MLIP: variants seen among roughly 807,000 people sequenced by gnomAD.
The protein encoded by MLIP is muscular LMNA interacting protein, also known as muscular LMNA-interacting protein.
In MLIP, 79 loss-of-function variants were observed where a neutral mutation model predicts 84.8. The ratio of observed to expected loss-of-function variants is 0.93; its 90% CI spans 0.78 to 1.12. The LOEUF (loss-of-function observed/expected upper bound fraction) is 1.12, where lower values mean the gene tolerates loss of function less well. Ranked by LOEUF, MLIP falls within the 50% of genes most tolerant of loss-of-function variation. The pLI is 0.00. For synonymous variants in MLIP, 504 were observed against 463.0 expected, an observed-to-expected ratio of 1.09 and a Z score of -1.14; for missense variants, 1,257 against 1,160.6, an observed-to-expected ratio of 1.08 and a Z score of -1.21.
At chr6:54,225,251 A>G (rs1780497847) in intron 11 of MLIP, among the ~76,000 whole-genome samples, 1 of 152,152 alleles carries the variant, frequency 6.6e-6, no homozygotes, top group Non-Finnish European at 1.5e-5. Flanking sequence ...CCTAGATGGT[A>G]TAGCCTACTA....
intron 2 of MLIP, 24 bp from the exon 3 acceptor site, chr6:54,124,449 T>G (rs1173700498): frequency 1.3e-6 from 2 of 1,578,576 alleles, no homozygotes; most frequent in African/African-American, 2.7e-5. Flanking sequence ...TGTCAATGCT[T>G]TTATCTCTCT....
chr6:54,094,322 G>A (rs1344205679), intron 1 of MLIP, among the ~76,000 whole-genome samples: 1 of 151,790 alleles, frequency 6.6e-6, no homozygotes, highest in African/African-American at 2.4e-5. Context: ...GGCTTAATTG[G>A]CAGGTATGGA....
chr6:54,061,717 C>G lies in MLIP; in HGVS notation c.63+42626C>G, dbSNP rs911189760. ...TACCCATGCTCTCAGGGAGTTTACACTGAAGAATTAGTGTAAACCATGAAT... is the reference window on the plus strand; with the variant it reads ...TACCCATGCTCTCAGGGAGTTTACAGTGAAGAATTAGTGTAAACCATGAAT... On this transcript the variant is annotated intron_variant, in intron 1 of 12. Transcript: ENST00000274897. Among the ~76,000 whole-genome samples the G allele has an allele frequency of 9.0e-4, 137 of 152,118 alleles. 2 individuals are homozygous for G. Among genetic ancestry groups the G allele is most frequent in the Non-Finnish European group, 4.0e-4 (27 of 68,034 alleles).
chr6:54,167,344 G>T (rs2150582935), intron 8 of MLIP, among the ~76,000 whole-genome samples: 1 of 120,958 alleles, frequency 8.3e-6, no homozygotes, highest in African/African-American at 3.1e-5. Flanking sequence ...TCCATCCCTG[G>T]TAGCCTCCTT....
intron 1 of MLIP, among the ~76,000 whole-genome samples, chr6:54,085,112 G>A (rs1767401548): frequency 6.6e-6 from 1 of 152,176 alleles, no homozygotes; most frequent in Non-Finnish European, 1.5e-5. Context: ...GGCTTCAACT[G>A]AGAGTTCCTT....
chr6:54,190,881 C>T (rs546453270), intron 10 of MLIP, among the ~76,000 whole-genome samples: 3 of 151,220 alleles, frequency 2.0e-5, no homozygotes, highest in East Asian at 1.9e-4. Context: ...CTGCAAGCTC[C>T]GCCTCCCGGG....
chr6:54,019,223 T>G (rs1224151058), intron 1 of MLIP: 1 of 852,116 alleles, frequency 1.2e-6, no homozygotes, highest in African/African-American at 1.7e-5. Context: ...ACTTTAAAAT[T>G]AATGAGTTCC....
intron 4 of MLIP, among the ~76,000 whole-genome samples, chr6:54,143,028 C>G (rs945624682): frequency 1.3e-5 from 2 of 152,100 alleles, no homozygotes; most frequent in Non-Finnish European, 2.9e-5. Context: ...GAATCCTTGA[C>G]TTTCCAGGCT....
intron 11 of MLIP, among the ~76,000 whole-genome samples, chr6:54,212,358 G>A (rs1779516940): frequency 6.6e-6 from 1 of 152,136 alleles, no homozygotes; most frequent in Admixed American, 6.5e-5. Flanking sequence ...CTGTGTTTAT[G>A]TCTTTAAATA....
chr6:54,104,966 T>G (rs947258273), intron 1 of MLIP, among the ~76,000 whole-genome samples: 6 of 152,214 alleles, frequency 3.9e-5, no homozygotes, highest in African/African-American at 1.4e-4. Context: ...CTAAATTTAT[T>G]TGACCACAAA....
intron 1 of MLIP, among the ~76,000 whole-genome samples, chr6:54,102,952 C>G (rs1768762464): frequency 6.6e-6 from 1 of 152,050 alleles, no homozygotes; most frequent in Non-Finnish European, 1.5e-5. Context: ...CCAGGGAAGC[C>G]CTCTTTAGGT....
rs72955955 is a variant in MLIP, at chr6:54,042,939, T to C, written c.63+23848T>C. Among the ~76,000 whole-genome samples, 888 of 152,064 alleles carry C rather than the reference T, an allele frequency of 5.8e-3. 6 individuals carry two copies. Among genetic ancestry groups the C allele is most frequent in the Non-Finnish European group, 7.8e-3 (532 of 67,992 alleles). On this transcript the variant is annotated intron_variant, in intron 1 of 12. Coordinates refer to the MLIP transcript ENST00000274897. ...TGGGAGGTAGGGAAGGAACCACGAG[T>C]AGTAAAGGAAACATAAATATAAAGG...
At chr6:54,059,791 A>G (rs1222353208) in intron 1 of MLIP, among the ~76,000 whole-genome samples, 1 of 94,998 alleles carries the variant, frequency 1.1e-5, no homozygotes, top group Non-Finnish European at 2.8e-5. Context: ...AGAAAAAGAG[A>G]GCAATGGAAA....
chr6:54,072,499 T>C (rs1351885210), intron 1 of MLIP, among the ~76,000 whole-genome samples: 1 of 152,130 alleles, frequency 6.6e-6, no homozygotes, highest in African/African-American at 2.4e-5. Flanking sequence ...CCCACTGAAC[T>C]TGGAAATCCT....
intron 12 of MLIP, among the ~76,000 whole-genome samples, chr6:54,244,016 G>C (rs1224047205): frequency 6.6e-6 from 1 of 152,132 alleles, no homozygotes; most frequent in East Asian, 1.9e-4. Context: ...GCAAAGGTTA[G>C]TGGCTAACAG....
intron 5 of MLIP, among the ~76,000 whole-genome samples, chr6:54,152,904 C>A: frequency 6.6e-6 from 1 of 152,050 alleles, no homozygotes; most frequent in Non-Finnish European, 1.5e-5. Context: ...AAAGAATATG[C>A]ATCTTTATTG....
intron 13 of MLIP, among the ~76,000 whole-genome samples, chr6:54,265,056 A>T (rs1374168524): frequency 6.6e-6 from 1 of 152,094 alleles, no homozygotes; most frequent in Non-Finnish European, 1.5e-5. Flanking sequence ...AAGCACAGAC[A>T]GTTGCCTACA....
chr6:54,143,341 G>C (rs917273481), intron 4 of MLIP, among the ~76,000 whole-genome samples: 2 of 151,626 alleles, frequency 1.3e-5, no homozygotes, highest in African/African-American at 4.9e-5. Context: ...CCTCAGCTGG[G>C]ATTACAGTCA....
chr6:54,137,948 G>A lies in MLIP; in HGVS notation c.1879G>A (p.Ala627Thr). The A allele has an allele frequency of 2.0e-6, 3 of 1,536,046 alleles. No individual in the cohort carries two copies. Among genetic ancestry groups the A allele is most frequent in the Non-Finnish European group, 1.7e-6 (2 of 1,146,880 alleles). ...LSSLINRSKR[A>T]SSQLSGQELN... ...AAGCCTGATAAACAGATCTAAAAGAGCATCATCCCAACTATCTGGCCAGGA... is the reference window on the plus strand; with the variant it reads ...AAGCCTGATAAACAGATCTAAAAGAACATCATCCCAACTATCTGGCCAGGA... Residue 627 changes from alanine to threonine, a missense_variant, in exon 4 of 14, where the codon GCA (alanine) becomes ACA (threonine). Coordinates refer to ENST00000502396, the MANE Select transcript of MLIP (RefSeq NM_001281747.2).
Sources: gnomAD v4.1 joint callset for allele counts (sites outside exome capture counted in the v4.1 genomes callset) on GRCh38, gnomAD v4.1.1 for gene constraint, MANE v1.5 for transcripts, NCBI Gene and HGNC (gene_info 2026-07-23, HGNC 2026-07-21) for gene names.